The following SUPT6H variants were observed in gnomAD, a reference collection of about 807,000 sequenced individuals.
SUPT6H encodes SPT6 homolog, histone chaperone and transcription elongation factor.
In SUPT6H, 11 loss-of-function variants were observed where a neutral mutation model predicts 222.3. That is an observed-to-expected ratio of 0.05 (90% CI 0.03 to 0.08). The LOEUF (loss-of-function observed/expected upper bound fraction) is 0.08. SUPT6H is among the 10% of genes least tolerant of loss of function. The pLI is 1.00. For missense variants in SUPT6H, 1,422 were observed against 2,216.0 expected (o/e 0.64, Z 7.19); for synonymous variants, 762 against 801.2 (o/e 0.95, Z 0.83).
intron 1 of SUPT6H, among the ~76,000 whole-genome samples, chr17:28,667,182 G>T (rs912653076): frequency 4.2e-5 from 6 of 144,478 alleles, no homozygotes; most frequent in Non-Finnish European, 6.0e-5. Flanking sequence ...TGGCTAACAC[G>T]GTGAAACCCC....
At position 28,701,511 on chromosome 17, in the gene SUPT6H, G is replaced by A; in HGVS notation, c.5067G>A (p.Arg1689=). ...EQWLQEKEAE[R]RKQKQRLTPR... is the part of the protein sequence containing the mutation. The stretch of plus-strand genomic sequence containing the variant: ...GGCTGCAGGAAAAGGAGGCAGAACG[G>A]CGGAAACAGAAGCAGCGGCTGACAC... Residue 1689 remains arginine, a synonymous_variant, in exon 37 of 37, where the codon CGG becomes CGA. Transcript: ENST00000314616. The A allele has an allele frequency of 6.2e-7, 1 of 1,614,136 alleles. No individual in the cohort carries two copies. Among genetic ancestry groups the A allele is most frequent in the Non-Finnish European group, 8.5e-7 (1 of 1,180,036 alleles).
Position 28,675,057 on chromosome 17 carries a change from A to G in SUPT6H, c.433A>G (p.Ile145Val). The part of the protein sequence containing the change: ...YGKEEHEKEA[I>V]AEEIFQDGEG... ...CAAGGAGGAACATGAAAAAGAAGCT[A>G]TTGCGGAAGAAATCTTCCAGGATGG... Residue 145 changes from isoleucine (I) to valine (V), a missense_variant, in exon 5 of 37, where the codon ATT becomes GTT. By Grantham distance (29) the Ile-to-Val change is conservative (BLOSUM62 3). Transcript: ENST00000314616. The G allele has an allele frequency of 6.2e-7, 1 of 1,614,082 alleles. No individual in the cohort carries two copies.
chr17:28,698,151 T>A, intron 32 of SUPT6H, 121 bp downstream of exon 32: 3 of 1,351,302 alleles, frequency 2.2e-6, no homozygotes, highest in Non-Finnish European at 2.9e-6. Context: ...TCTCATCTGT[T>A]TAGAACAGAG....
rs759564576 is a variant in SUPT6H, at chr17:28,683,252, C to T, written c.1879-16C>T. ...AGCCCATCCGCAGGCTCATGATTCC[C>T]CCTTCATGTGTGCAGGATGTGGATG... On this transcript the variant is annotated splice_polypyrimidine_tract_variant and intron_variant, in intron 15 of 36. Coordinates refer to ENST00000314616, the MANE Select transcript of SUPT6H (RefSeq NM_003170.5). The T allele has an allele frequency of 2.5e-6, 4 of 1,612,904 alleles. No homozygotes were observed. The Admixed American group carries it at 6.7e-5, about 27-fold the overall frequency.
At chr17:28,667,433 A>ATATATG (rs1325898517) in intron 1 of SUPT6H, among the ~76,000 whole-genome samples, 5 of 134,914 alleles carry the variant, frequency 3.7e-5, no homozygotes, top group East Asian at 4.2e-4. Context: ...ATATATATAT[A>ATATATG]TATGTATGTG....
At chr17:28,691,175 T>G in intron 27 of SUPT6H, 112 bp downstream of exon 27, 1 of 1,375,492 alleles carries the variant, frequency 7.3e-7, no homozygotes, top group Non-Finnish European at 9.9e-7. Context: ...ACCAAACAAG[T>G]ACACAAAGAA....
intron 27 of SUPT6H, 139 bp from the exon 28 acceptor site, chr17:28,693,557 T>C (rs776948867): frequency 2.7e-5 from 28 of 1,019,216 alleles, no homozygotes; most frequent in Non-Finnish European, 4.0e-5. Flanking sequence ...TCTTGGCAGA[T>C]GACTAAGTCA....
chr17:28,687,541 G>A, intron 23 of SUPT6H, 70 bp downstream of exon 23: 1 of 1,508,646 alleles, frequency 6.6e-7, no homozygotes, highest in South Asian at 1.2e-5. Context: ...TACTTTGTCA[G>A]TATAATTTGA....
intron 11 of SUPT6H, among the ~76,000 whole-genome samples, chr17:28,680,031 G>A (rs910886940): frequency 1.1e-4 from 17 of 148,804 alleles, no homozygotes; most frequent in Non-Finnish European, 2.2e-4. Flanking sequence ...GAGGCCAGGC[G>A]CAGTGCCTCA....
rs1199880452 is a variant in SUPT6H at position 28,702,629 on chromosome 17, G to A, written c.*1004G>A. On this transcript the variant is annotated 3_prime_UTR_variant, in exon 37 of 37. Coordinates refer to ENST00000314616, the MANE Select transcript of SUPT6H (RefSeq NM_003170.5). ...CTGCCCCATCCGCCCATGCCTGCTG[G>A]TCTTCTCTGGCACCCTGGAGAAAGG... The A allele has an allele frequency of 6.6e-6, 1 of 152,604 alleles. No individual in the cohort carries two copies. The highest frequency in any genetic ancestry group is 1.5e-5 in the Non-Finnish European group (1 of 68,108). 9.5% of individuals were successfully genotyped at this position (152,604 alleles called of 1,614,324 possible). A position where few individuals can be genotyped will look rare whatever the true frequency, so the allele number is the denominator to read the frequency against.
intron 1 of SUPT6H, among the ~76,000 whole-genome samples, chr17:28,663,887 G>A (rs1299568049): frequency 9.5e-6 from 1 of 105,804 alleles, no homozygotes; most frequent in South Asian, 3.3e-4. Flanking sequence ...TTGGAGTGCA[G>A]TGGCCCCATC....
intron 28 of SUPT6H, among the ~76,000 whole-genome samples, chr17:28,694,818 A>C (rs780012211): frequency 2.6e-5 from 4 of 152,218 alleles, no homozygotes; most frequent in Non-Finnish European, 4.4e-5. Flanking sequence ...AGCCTGGCCA[A>C]CATGGTGAAA....
chr17:28,686,822 C>T, intron 21 of SUPT6H, 33 bp downstream of exon 21: 1 of 1,557,706 alleles, frequency 6.4e-7, no homozygotes, highest in Non-Finnish European at 8.6e-7. Flanking sequence ...AGGGCCTGCC[C>T]AGGCAAGTGC....
chr17:28,673,734 G>A, intron 2 of SUPT6H: 1 of 515,308 alleles, frequency 1.9e-6, no homozygotes, highest in South Asian at 2.5e-5. Flanking sequence ...CAGCTATTGT[G>A]GAGTTTACTT....
Position 28,690,247 on chromosome 17 carries a change from T to G in SUPT6H, c.3490+18T>G, listed in dbSNP as rs2151647687. On this transcript the variant is annotated intron_variant, in intron 26 of 36. Coordinates refer to ENST00000314616, the MANE Select transcript of SUPT6H (RefSeq NM_003170.5). Reference sequence around the variant, plus strand: ...CTACATTGGTAAATTCTGGGGTCATTTTTTTATTGGGGGCAGGAGGTGTGT... The same window carrying G: ...CTACATTGGTAAATTCTGGGGTCATGTTTTTATTGGGGGCAGGAGGTGTGT... 4 of 1,612,248 alleles carry G rather than the reference T, an allele frequency of 2.5e-6. No individual in the cohort carries two copies. In the South Asian group the frequency reaches 4.4e-5, roughly 18 times the overall value.
rs1428503463 is a variant in SUPT6H, at chr17:28,688,877, T to C, written c.3135-477T>C. On this transcript the variant is annotated intron_variant, in intron 24 of 36. Transcript: ENST00000314616. This position sits in a 1 kb window ranked among gnomAD's most constrained non-coding sequence, Gnocchi z 4.3. The stretch of plus-strand genomic sequence containing the variant: ...GCAAGACCAGCCTGGGAAGGCTTTA[T>C]GGGGGAAAATAGCTATCAGCAAATT... 6.0e-6 allele frequency: 1 copy of C among 166,630 alleles called. No individual in the cohort carries two copies. The highest frequency in any genetic ancestry group is 2.4e-5 in the African/African-American group (1 of 41,532). 10.3% of individuals were successfully genotyped at this position (166,630 alleles called of 1,614,324 possible). A position where few individuals can be genotyped will look rare whatever the true frequency, so the allele number is the denominator to read the frequency against.
At chr17:28,670,491 C>G (rs2030348334) in intron 1 of SUPT6H, 1 of 152,178 alleles carries the variant, frequency 6.6e-6, no homozygotes, top group Non-Finnish European at 1.5e-5. Flanking sequence ...TTGTCCAGTT[C>G]TCTTCCTGTG....
chr17:28,680,552 G>T (rs2031043912), intron 11 of SUPT6H, among the ~76,000 whole-genome samples: 1 of 152,130 alleles, frequency 6.6e-6, no homozygotes, highest in South Asian at 2.1e-4. Flanking sequence ...CCGAAATCAC[G>T]CCATTACACT....
In SUPT6H at chr17:28,677,709, C is replaced by T. The variant is rs1271222585; in HGVS notation, c.898-6C>T. On this transcript the variant is annotated splice_polypyrimidine_tract_variant and splice_region_variant and intron_variant, in intron 7 of 36. Coordinates refer to ENST00000314616, the MANE Select transcript of SUPT6H (RefSeq NM_003170.5). ...CCGTCTCACCCTGTTGTCTTATCCACTCCAGCTCCGCTCCATCCCAGTCAA... is the reference window on the plus strand; with the variant it reads ...CCGTCTCACCCTGTTGTCTTATCCATTCCAGCTCCGCTCCATCCCAGTCAA... The T allele has an allele frequency of 1.2e-6, 2 of 1,612,596 alleles. No individual in the cohort carries two copies. The highest frequency in any genetic ancestry group is 3.3e-5 in the Admixed American group (2 of 59,938).
Sources: allele counts gnomAD v4.1 joint callset (sites outside exome capture counted in the v4.1 genomes callset), GRCh38; gene constraint gnomAD v4.1.1; non-coding constraint Gnocchi (gnomAD v3.1); transcripts MANE v1.5; gene names NCBI Gene and HGNC (gene_info 2026-07-23, HGNC 2026-07-21).